RABGEF1: variants seen among roughly 807,000 people sequenced by gnomAD.
RABGEF1 encodes RAB guanine nucleotide exchange factor 1.
RABGEF1 carries 26 observed loss-of-function variants against 57.3 expected under a neutral mutation model. The observed-to-expected ratio is 0.45, with a 90% confidence interval of 0.33 to 0.63. The LOEUF is 0.63. Among genes scored for constraint, RABGEF1 ranks in the 20% least tolerant of loss-of-function variants. The pLI, the probability that RABGEF1 is intolerant of heterozygous loss-of-function variation, is 0.02. For missense variants in RABGEF1, 464 were observed against 607.6 expected, an observed-to-expected ratio of 0.76 and a Z score of 2.48; for synonymous variants, 185 against 210.7, an observed-to-expected ratio of 0.88 and a Z score of 1.06.
intron 1 of RABGEF1, among the ~76,000 whole-genome samples, chr7:66,707,438 A>G (rs540556926): frequency 1.3e-5 from 2 of 152,254 alleles, no homozygotes; most frequent in South Asian, 4.1e-4. Flanking sequence ...CACACCTGCA[A>G]TCCCAGCACT....
intron 1 of RABGEF1, among the ~76,000 whole-genome samples, chr7:66,706,823 C>A (rs531882747): frequency 2.1e-3 from 308 of 147,836 alleles, no homozygotes; most frequent in African/African-American, 7.3e-3. Context: ...GCTCTGTCGC[C>A]CAGGCTGGAC....
chr7:66,690,810 G>A (rs1791407384), intron 1 of RABGEF1, among the ~76,000 whole-genome samples: 1 of 151,900 alleles, frequency 6.6e-6, no homozygotes, highest in Non-Finnish European at 1.5e-5. Flanking sequence ...AAGGCCAGGT[G>A]CGGTGCCTCA....
At chr7:66,709,061 A>G (rs1203153225) in intron 1 of RABGEF1, among the ~76,000 whole-genome samples, 2 of 150,294 alleles carry the variant, frequency 1.3e-5, no homozygotes, top group East Asian at 3.9e-4. Flanking sequence ...CATGTCGCCC[A>G]GGCTAGAGCG....
chr7:66,677,616 G>C (rs1789368025), upstream of RABGEF1, among the ~76,000 whole-genome samples: 1 of 151,942 alleles, frequency 6.6e-6, no homozygotes, highest in South Asian at 2.1e-4. Flanking sequence ...CAAAAAATTA[G>C]CTGGGCTTGG....
intron 1 of RABGEF1, among the ~76,000 whole-genome samples, chr7:66,746,618 CTTTTTTTTTTTTT>C: frequency 1.1e-5 from 1 of 92,220 alleles, no homozygotes; most frequent in East Asian, 3.9e-4. Context: ...ATAATATAAC[CTTTTTTTTTTTTT>C]TTTTTTTTTG....
intron 1 of RABGEF1, among the ~76,000 whole-genome samples, chr7:66,689,575 G>A (rs1057042771): frequency 2.0e-5 from 3 of 152,120 alleles, no homozygotes; most frequent in African/African-American, 7.2e-5. Context: ...GGCCGAGGTG[G>A]GCAGATCACC....
intron 4 of RABGEF1, among the ~76,000 whole-genome samples, chr7:66,789,654 G>A (rs1198517683): frequency 1.7e-5 from 2 of 115,268 alleles, no homozygotes; most frequent in African/African-American, 6.8e-5. Context: ...CTGCACTCCA[G>A]CCTCAGCATC....
the RABGEF1 span, among the ~76,000 whole-genome samples, chr7:66,674,812 T>G: frequency 2.8e-3 from 428 of 152,078 alleles, 1 homozygote; most frequent in African/African-American, 9.9e-3. Context: ...AACTGGGAAG[T>G]GACATGAGGA....
rs887236563 is a variant in RABGEF1, at chr7:66,805,450, T to G, written c.1077+54T>G. ...AGAAGGACTAGGAAGGTGGTGGTTT[T>G]GGGGATGTGACAGGTCACTTAGGCC... is the stretch of plus-strand genomic sequence containing the variant. On this transcript the variant is annotated intron_variant, in intron 8 of 8. Coordinates refer to ENST00000284957, the MANE Select transcript of RABGEF1 (RefSeq NM_014504.3). 2.8e-4 allele frequency: 447 copies of G among 1,601,166 alleles called. 1 individual carries two copies. The highest frequency in any genetic ancestry group is 1.2e-4 in the Non-Finnish European group (140 of 1,172,390).
At chr7:66,724,619 A>G (rs1796401438) in intron 2 of RABGEF1, among the ~76,000 whole-genome samples, 1 of 152,114 alleles carries the variant, frequency 6.6e-6, no homozygotes, top group Non-Finnish European at 1.5e-5. Context: ...CGGCCTCCCA[A>G]AGTGCTGGGA....
At chr7:66,682,788 G>C (rs1025988049) in intron 1 of RABGEF1, among the ~76,000 whole-genome samples, 1 of 152,218 alleles carries the variant, frequency 6.6e-6, no homozygotes, top group Non-Finnish European at 1.5e-5. Context: ...GAAGCCTATG[G>C]TCCTGACTTC....
In RABGEF1 at chr7:66,720,196, T is replaced by TA. The variant is rs199511055; in HGVS notation, c.-815+7972_-815+7973insA. ...TTATTATTATTATTATTATTATTAT[T>TA]TTTTTTTTTTTTTCTTTGAGAGGGT... On this transcript the variant is annotated intron_variant and NMD_transcript_variant, in intron 2 of 9. Transcript: ENST00000607882. Among the ~76,000 whole-genome samples, 276 of 70,456 alleles carry TA rather than the reference T, an allele frequency of 3.9e-3. 1 individual carries two copies. The highest frequency in any genetic ancestry group is 9.4e-3 in the Middle Eastern group (1 of 106). 46.2% of individuals were successfully genotyped at this position (70,456 alleles called of 152,430 possible).
intron 1 of RABGEF1, among the ~76,000 whole-genome samples, chr7:66,746,618 C>CT (rs1206614304): frequency 0.012 from 1,105 of 92,210 alleles, 22 homozygotes; most frequent in Non-Finnish European, 0.015. Flanking sequence ...ATAATATAAC[C>CT]TTTTTTTTTT....
At chr7:66,696,197 C>G (rs1218538830) in intron 1 of RABGEF1, among the ~76,000 whole-genome samples, 2 of 152,088 alleles carry the variant, frequency 1.3e-5, no homozygotes, top group Non-Finnish European at 2.9e-5. Context: ...CCCCAAGTAG[C>G]TGGGATTACA....
At chr7:66,678,612 G>A (rs556240546), upstream of RABGEF1, among the ~76,000 whole-genome samples, 3 of 151,706 alleles carry the variant, frequency 2.0e-5, no homozygotes, top group African/African-American at 7.3e-5. Flanking sequence ...GACCCAGGGA[G>A]GGAGAGGGAT....
At chr7:66,758,134 A>G (rs974658890) in intron 1 of RABGEF1, among the ~76,000 whole-genome samples, 1 of 152,238 alleles carries the variant, frequency 6.6e-6, no homozygotes, top group South Asian at 2.1e-4. Context: ...CTCTGAGGGC[A>G]TGACATTGAA....
intron 1 of RABGEF1, among the ~76,000 whole-genome samples, chr7:66,689,560 T>C (rs1043554015): frequency 6.6e-6 from 1 of 152,126 alleles, no homozygotes; most frequent in African/African-American, 2.4e-5. Flanking sequence ...CCCAGCACTT[T>C]GGGAGGCCGA....
At chr7:66,725,607 T>A (rs191247189) in intron 2 of RABGEF1, among the ~76,000 whole-genome samples, 1 of 152,368 alleles carries the variant, frequency 6.6e-6, no homozygotes, top group African/African-American at 2.4e-5. Context: ...ATGCTGTTTT[T>A]GTTCCATCCA....
intron 2 of RABGEF1, among the ~76,000 whole-genome samples, chr7:66,713,331 T>A (rs1487935971): frequency 6.6e-6 from 1 of 151,870 alleles, no homozygotes; most frequent in Admixed American, 6.6e-5. Context: ...TTAGTAGAGA[T>A]GGGTTTCGCT....
Sources: gnomAD v4.1 joint callset for allele counts (sites outside exome capture counted in the v4.1 genomes callset) on GRCh38, gnomAD v4.1.1 for gene constraint, MANE v1.5 for transcripts, NCBI Gene and HGNC (gene_info 2026-07-23, HGNC 2026-07-21) for gene names.